MSI2: variants seen among roughly 807,000 people sequenced by gnomAD.
The protein encoded by MSI2 is musashi RNA binding protein 2, also known as RNA-binding protein Musashi homolog 2.
In MSI2, 17 loss-of-function variants were observed where a neutral mutation model predicts 45.6. That is an observed-to-expected ratio of 0.37 (90% CI 0.26 to 0.56). The LOEUF is 0.56. MSI2 is among the 20% of genes least tolerant of loss of function. The probability of loss-of-function intolerance (pLI) is 0.77; values close to 1 mark genes in which losing one functional copy is unlikely to be tolerated. For missense variants in MSI2, 293 were observed against 444.2 expected (o/e 0.66, Z 3.06); for synonymous variants, 156 against 158.2 (o/e 0.99, Z 0.11).
At chr17:57,319,912 C>A (rs897382186) in intron 5 of MSI2, among the ~76,000 whole-genome samples, 1 of 152,116 alleles carries the variant, frequency 6.6e-6, no homozygotes, top group Non-Finnish European at 1.5e-5. Context: ...CTGTGCCCAG[C>A]CGAGTAGGGG....
chr17:57,490,391 G>A (rs11868089), intron 6 of MSI2, among the ~76,000 whole-genome samples: 22,105 of 152,214 alleles, frequency 0.15, 1,675 homozygotes, highest in Middle Eastern at 0.23. Flanking sequence ...TTCTTGGCAG[G>A]TACCATATTT....
Position 57,677,049 on chromosome 17 carries a change from C to A in MSI2, c.*21C>A. The stretch of plus-strand genomic sequence containing the variant: ...ATTGAGCAGGTGCTTTCGTTGCCAT[C>A]TCACTCTGAGGTATTACCGTCTCTG... On this transcript the variant is annotated 3_prime_UTR_variant, in exon 13 of 14. Transcript: ENST00000284073. The A allele has an allele frequency of 6.2e-7, 1 of 1,612,360 alleles. No individual in the cohort carries two copies. Among genetic ancestry groups the A allele is most frequent in the Non-Finnish European group, 8.5e-7 (1 of 1,178,392 alleles).
At chr17:57,290,123 G>A (rs1910281050) in intron 5 of MSI2, among the ~76,000 whole-genome samples, 1 of 152,124 alleles carries the variant, frequency 6.6e-6, no homozygotes, top group Admixed American at 6.5e-5. Context: ...GGGACTGTGG[G>A]CTAGTTATTT....
chr17:57,686,008 T>G (rs1208528799), downstream of MSI2, among the ~76,000 whole-genome samples: 1 of 152,238 alleles, frequency 6.6e-6, no homozygotes, highest in African/African-American at 2.4e-5. Flanking sequence ...ACACATGCCC[T>G]GCTTAGTCCC....
chr17:57,603,540 G>A (rs544038685), intron 8 of MSI2, among the ~76,000 whole-genome samples: 8 of 152,300 alleles, frequency 5.3e-5, no homozygotes, highest in Admixed American at 3.9e-4. Flanking sequence ...GTCTCGGCCT[G>A]TTCTGTTGTA....
At chr17:57,640,186 C>T (rs1001921049) in intron 10 of MSI2, among the ~76,000 whole-genome samples, 5 of 152,190 alleles carry the variant, frequency 3.3e-5, no homozygotes, top group African/African-American at 1.2e-4. Flanking sequence ...AGCACTGGGG[C>T]TCCAGGCTCC....
intron 6 of MSI2, among the ~76,000 whole-genome samples, chr17:57,509,621 A>G (rs1259903857): frequency 2.0e-5 from 3 of 152,056 alleles, no homozygotes; most frequent in Non-Finnish European, 4.4e-5. Context: ...GTGTTTCACC[A>G]TGTTGGCCAG....
At chr17:57,384,848 C>G (rs758724713) in intron 5 of MSI2, among the ~76,000 whole-genome samples, 86 of 152,168 alleles carry the variant, frequency 5.7e-4, no homozygotes, top group Non-Finnish European at 8.4e-4. Context: ...CCTACAGACA[C>G]TGAAAATTTA....
Position 57,570,955 on chromosome 17 carries a change from T to C in MSI2, c.455-25913T>C, listed in dbSNP as rs2087860438. ...GGGAAGAAGGCAGTCAGGGCAGCAG[T>C]GACGGCCTCTGGGGCCCCTCCCCCT... On this transcript the variant is annotated intron_variant, in intron 7 of 13. Transcript: ENST00000284073. 2.0e-5 allele frequency among the ~76,000 whole-genome samples: 3 copies of C among 152,176 alleles called. 1 individual carries two copies. In the South Asian group the frequency reaches 6.2e-4, roughly 32 times the overall value.
chr17:57,425,104 G>A (rs975099384), intron 6 of MSI2, among the ~76,000 whole-genome samples: 2 of 152,286 alleles, frequency 1.3e-5, no homozygotes, highest in Admixed American at 1.3e-4. Flanking sequence ...GTGGCGGAGT[G>A]CACTACTCTC....
At chr17:57,406,511 T>C (rs964843729) in intron 6 of MSI2, among the ~76,000 whole-genome samples, 1 of 152,170 alleles carries the variant, frequency 6.6e-6, no homozygotes, top group East Asian at 1.9e-4. Flanking sequence ...CCGGGAATGA[T>C]AGGGCAGCTC....
At chr17:57,430,914 C>A (rs891150014) in intron 6 of MSI2, among the ~76,000 whole-genome samples, 2 of 152,176 alleles carry the variant, frequency 1.3e-5, no homozygotes, top group Non-Finnish European at 2.9e-5. Flanking sequence ...GCTGTCCTGC[C>A]CGCCTCTTCT....
At chr17:57,548,263 G>C (rs1285133837) in intron 7 of MSI2, among the ~76,000 whole-genome samples, 1 of 152,024 alleles carries the variant, frequency 6.6e-6, no homozygotes, top group Non-Finnish European at 1.5e-5. Context: ...CTTACCCTTT[G>C]TATCCCTGTC....
intron 5 of MSI2, among the ~76,000 whole-genome samples, chr17:57,346,345 T>A (rs915981573): frequency 4.7e-5 from 5 of 106,686 alleles, no homozygotes; most frequent in Non-Finnish European, 1.1e-4. Flanking sequence ...AAATAACACA[T>A]TTTGGGGGGG....
At chr17:57,442,142 T>G (rs563846180) in intron 6 of MSI2, among the ~76,000 whole-genome samples, 1 of 151,930 alleles carries the variant, frequency 6.6e-6, no homozygotes, top group South Asian at 2.1e-4. Context: ...GTTCAAGCGA[T>G]TCTCCTGCCT....
At chr17:57,349,700 A>G (rs792392) in intron 5 of MSI2, among the ~76,000 whole-genome samples, 11,980 of 152,198 alleles carry the variant, frequency 0.079, 652 homozygotes, top group Admixed American at 0.16. Context: ...GACAGGAGTC[A>G]AGTTGGTGCA....
intron 6 of MSI2, among the ~76,000 whole-genome samples, chr17:57,467,673 G>A (rs1208465552): frequency 6.6e-6 from 1 of 152,092 alleles, no homozygotes; most frequent in Non-Finnish European, 1.5e-5. Flanking sequence ...GGCATTCCCT[G>A]GGCCTGCCCC....
At chr17:57,352,588 G>A (rs1413379029) in intron 5 of MSI2, among the ~76,000 whole-genome samples, 2 of 152,156 alleles carry the variant, frequency 1.3e-5, no homozygotes, top group Non-Finnish European at 2.9e-5. Context: ...TGCTCACAAA[G>A]GTCTGTGATT....
At chr17:57,528,014 T>A (rs1259867507) in intron 6 of MSI2, among the ~76,000 whole-genome samples, 2 of 152,046 alleles carry the variant, frequency 1.3e-5, no homozygotes, top group African/African-American at 2.4e-5. Flanking sequence ...AGCCTTTGAG[T>A]GCACATCAAC....
Sources: gnomAD v4.1 joint callset for allele counts (sites outside exome capture counted in the v4.1 genomes callset) on GRCh38, gnomAD v4.1.1 for gene constraint, MANE v1.5 for transcripts, NCBI Gene and HGNC (gene_info 2026-07-23, HGNC 2026-07-21) for gene names.